The following RBFOX1 variants were observed in gnomAD, a reference collection of about 807,000 sequenced individuals.
RBFOX1 encodes RNA binding fox-1 homolog 1, also known as RNA binding protein fox-1 homolog 1.
Under a neutral mutation model 57.7 loss-of-function variants are expected in RBFOX1, and 8 were observed. That is an observed-to-expected ratio of 0.14 (90% CI 0.08 to 0.25). RBFOX1 has a LOEUF of 0.25. Among genes scored for constraint, RBFOX1 ranks in the 10% least tolerant of loss-of-function variants. The probability of loss-of-function intolerance (pLI) is 1.00; values close to 1 mark genes in which losing one functional copy is unlikely to be tolerated. For missense variants in RBFOX1, 611 were observed against 548.5 expected, an observed-to-expected ratio of 1.11 and a Z score of -1.14; for synonymous variants, 326 against 222.4, an observed-to-expected ratio of 1.47 and a Z score of -4.15.
At chr16:6,906,874 C>T (rs902705856) in intron 3 of RBFOX1, among the ~76,000 whole-genome samples, 21 of 152,006 alleles carry the variant, frequency 1.4e-4, no homozygotes, top group African/African-American at 4.6e-4. Flanking sequence ...AGGCACCTGC[C>T]ACCCCACCTG....
chr16:6,297,428 C>T (rs1449781482), intron 1 of RBFOX1, among the ~76,000 whole-genome samples: 1 of 152,080 alleles, frequency 6.6e-6, no homozygotes, highest in East Asian at 1.9e-4. Context: ...TGGCTTAAAT[C>T]CCAGCCTCTA....
intron 1 of RBFOX1, among the ~76,000 whole-genome samples, chr16:6,096,907 C>T (rs1296078014): frequency 6.6e-6 from 1 of 152,120 alleles, no homozygotes; most frequent in Admixed American, 6.5e-5. Flanking sequence ...CCTACTGAAC[C>T]ACCTGTTGCA....
chr16:6,445,695 G>A (rs549981838), intron 2 of RBFOX1, among the ~76,000 whole-genome samples: 8 of 150,924 alleles, frequency 5.3e-5, no homozygotes, highest in African/African-American at 1.9e-4. Context: ...CGATTCTCCT[G>A]CCTCAGCCTC....
chr16:5,626,129 C>G (rs1167739844), intron 3 of RBFOX1, among the ~76,000 whole-genome samples: 1 of 152,236 alleles, frequency 6.6e-6, no homozygotes, highest in Non-Finnish European at 1.5e-5. Flanking sequence ...ATCTGCCCGC[C>G]TCGGCCTCCC....
intron 3 of RBFOX1, among the ~76,000 whole-genome samples, chr16:5,657,804 C>T (rs549108064): frequency 7.2e-6 from 1 of 139,850 alleles, no homozygotes; most frequent in African/African-American, 2.6e-5. Flanking sequence ...ACGATCTTGG[C>T]TCACTGTAAC....
intron 3 of RBFOX1, among the ~76,000 whole-genome samples, chr16:5,697,459 A>G (rs1596808441): frequency 6.6e-6 from 1 of 150,790 alleles, no homozygotes; most frequent in East Asian, 1.9e-4. Flanking sequence ...TTTATTGCCT[A>G]TTGCACGAGC....
chr16:5,601,498 A>G (rs2047362717), downstream of RBFOX1: 1 of 152,202 alleles, frequency 6.6e-6, no homozygotes, highest in Non-Finnish European at 1.5e-5. Flanking sequence ...TCGATCAGTC[A>G]TACAACGGAA....
chr16:6,121,920 G>C (rs2096552844), intron 1 of RBFOX1, among the ~76,000 whole-genome samples: 3 of 152,160 alleles, frequency 2.0e-5, no homozygotes, highest in South Asian at 2.1e-4. Context: ...TTTTATTTTT[G>C]AGACAGAGTC....
intron 1 of RBFOX1, among the ~76,000 whole-genome samples, chr16:5,255,956 G>A (rs1210043193): frequency 6.6e-6 from 1 of 151,798 alleles, no homozygotes; most frequent in Non-Finnish European, 1.5e-5. Flanking sequence ...TGCAGATATA[G>A]TGAGGATTAA....
intron 2 of RBFOX1, among the ~76,000 whole-genome samples, chr16:5,584,558 C>T (rs2046771717): frequency 6.6e-6 from 1 of 152,124 alleles, no homozygotes; most frequent in Non-Finnish European, 1.5e-5. Context: ...GGCTTTTTTC[C>T]CCCTTCAGCT....
At chr16:5,621,323 G>T (rs558745145) in intron 3 of RBFOX1, among the ~76,000 whole-genome samples, 3 of 152,246 alleles carry the variant, frequency 2.0e-5, no homozygotes, top group South Asian at 4.2e-4. Context: ...CTCCAAATAG[G>T]TCTCACAAAT....
At chr16:5,716,810 G>A (rs1239174959) in intron 3 of RBFOX1, among the ~76,000 whole-genome samples, 2 of 152,100 alleles carry the variant, frequency 1.3e-5, no homozygotes, top group African/African-American at 4.8e-5. Context: ...GAAGCTCAGC[G>A]ACTTGTCCCA....
At chr16:5,479,716 G>A (rs1327893578) in intron 2 of RBFOX1, among the ~76,000 whole-genome samples, 2 of 151,966 alleles carry the variant, frequency 1.3e-5, no homozygotes, top group Non-Finnish European at 1.5e-5. Flanking sequence ...CCAAGATCGC[G>A]CCATTCCAGC....
At chr16:6,302,945 T>C (rs948605256) in intron 1 of RBFOX1, among the ~76,000 whole-genome samples, 6 of 152,210 alleles carry the variant, frequency 3.9e-5, no homozygotes, top group African/African-American at 1.2e-4. Context: ...AAAATGATAT[T>C]ATCAGTGAAG....
At chr16:6,876,993 G>C (rs150695415) in intron 3 of RBFOX1, among the ~76,000 whole-genome samples, 6 of 152,168 alleles carry the variant, frequency 3.9e-5, no homozygotes, top group Admixed American at 2.6e-4. Flanking sequence ...TTTTCCAGTG[G>C]AGCAACAAAT....
At chr16:6,386,977 C>T (rs115246358) in intron 2 of RBFOX1, among the ~76,000 whole-genome samples, 3,101 of 152,096 alleles carry the variant, frequency 0.02, 113 homozygotes, top group African/African-American at 0.07. Context: ...TTATTGATTC[C>T]GCAAAGATGA....
chr16:7,709,431 C>T, intron 15 of RBFOX1: 1 of 1,328,570 alleles, frequency 7.5e-7, no homozygotes, highest in Non-Finnish European at 9.9e-7. Context: ...TAACAGAATG[C>T]AGTGTCAATG....
At chr16:6,023,318 T>A (rs898236992) in intron 1 of RBFOX1, among the ~76,000 whole-genome samples, 2 of 152,014 alleles carry the variant, frequency 1.3e-5, no homozygotes, top group Admixed American at 1.3e-4. Context: ...TGAGCACAGG[T>A]CTTCTAGACA....
intron 2 of RBFOX1, among the ~76,000 whole-genome samples, chr16:5,523,243 G>A (rs762167311): frequency 6.6e-6 from 1 of 151,836 alleles, no homozygotes; most frequent in Non-Finnish European, 1.5e-5. Context: ...CCGAGATCGC[G>A]CCATGGCACA....
Sources: allele counts gnomAD v4.1 joint callset (sites outside exome capture counted in the v4.1 genomes callset), GRCh38; gene constraint gnomAD v4.1.1; transcripts MANE v1.5; gene names NCBI Gene and HGNC (gene_info 2026-07-23, HGNC 2026-07-21).